The following CDH9 variants were observed in gnomAD, a reference collection of about 807,000 sequenced individuals.
The protein encoded by CDH9 is cadherin 9.
In CDH9, 28 loss-of-function variants were observed where a neutral mutation model predicts 70.9. The ratio of observed to expected loss-of-function variants is 0.40; its 90% CI spans 0.29 to 0.54. CDH9 has a LOEUF of 0.54. Ranked by LOEUF, CDH9 falls within the 20% of genes least tolerant of loss-of-function variation. CDH9 has a pLI of 0.59. For missense variants in CDH9, 874 were observed against 984.4 expected (o/e 0.89, Z 1.50); for synonymous variants, 409 against 343.1 (o/e 1.19, Z -2.12).
intron 1 of CDH9, among the ~76,000 whole-genome samples, chr5:27,018,671 A>G (rs1012171561): frequency 2.0e-5 from 3 of 152,004 alleles, no homozygotes; most frequent in Admixed American, 6.6e-5. Flanking sequence ...GGATAATATT[A>G]TCAGAGTAAA....
intron 2 of CDH9, among the ~76,000 whole-genome samples, chr5:26,951,349 C>G (rs903411571): frequency 1.5e-5 from 2 of 137,822 alleles, no homozygotes; most frequent in South Asian, 5.0e-4. Flanking sequence ...CTCCTCGTAA[C>G]CATGCTCAGA....
chr5:26,929,769 T>C (rs1161469053), intron 2 of CDH9, among the ~76,000 whole-genome samples: 1 of 152,082 alleles, frequency 6.6e-6, no homozygotes, highest in Non-Finnish European at 1.5e-5. Flanking sequence ...TATTCTCATT[T>C]ATTTGTTAGA....
intron 2 of CDH9, among the ~76,000 whole-genome samples, chr5:26,961,639 AAAAT>A (rs1742036340): frequency 6.6e-6 from 1 of 152,124 alleles, no homozygotes; most frequent in Non-Finnish European, 1.5e-5. Context: ...TTTTAATTTA[AAAAT>A]AAATAAACAA....
intron 2 of CDH9, among the ~76,000 whole-genome samples, chr5:26,940,385 C>A (rs367856901): frequency 5.9e-5 from 9 of 152,006 alleles, no homozygotes; most frequent in African/African-American, 2.2e-4. Context: ...TAAAAAGGAG[C>A]TATCTATTTA....
intron 1 of CDH9, among the ~76,000 whole-genome samples, chr5:27,002,315 G>T (rs922135524): frequency 4.6e-5 from 7 of 152,164 alleles, no homozygotes; most frequent in Admixed American, 1.3e-4. Context: ...CTTTTACACT[G>T]TTGGTGGGAC....
intron 2 of CDH9, among the ~76,000 whole-genome samples, chr5:26,931,567 G>C (rs1741462600): frequency 6.6e-6 from 1 of 152,068 alleles, no homozygotes; most frequent in South Asian, 2.1e-4. Context: ...CGTGAGTAAA[G>C]AGTACATCAT....
intron 2 of CDH9, among the ~76,000 whole-genome samples, chr5:26,947,209 CTAAGCT>C (rs1172750647): frequency 6.6e-6 from 1 of 152,098 alleles, no homozygotes; most frequent in Non-Finnish European, 1.5e-5. Context: ...TATACCACTC[CTAAGCT>C]TAAGGAAATG....
In CDH9 at chr5:27,009,224, C is replaced by T. The variant is rs114624773; in HGVS notation, c.-49-20842G>A. On this transcript the variant is annotated intron_variant, in intron 1 of 11. Coordinates refer to ENST00000231021, the MANE Select transcript of CDH9 (RefSeq NM_016279.4). ...CCAGTTTGTGTTTGGGTTGGAGGAT[C>T]GGGGATAGTGAGAGAATGAGGAGGA... Among the ~76,000 whole-genome samples the T allele has an allele frequency of 7.8e-3, 1,183 of 152,074 alleles. 27 individuals carry two copies. The highest frequency in any genetic ancestry group is 0.027 in the African/African-American group (1,121 of 41,504).
At chr5:27,018,226 T>C (rs1743079034) in intron 1 of CDH9, among the ~76,000 whole-genome samples, 2 of 151,874 alleles carry the variant, frequency 1.3e-5, no homozygotes, top group South Asian at 4.1e-4. Context: ...AAGCTCCTAT[T>C]TACATATGGG....
rs546515723 is a variant in CDH9, at chr5:26,882,899, C to G, written c.1883-1276G>C. Among the ~76,000 whole-genome samples the G allele has an allele frequency of 1.5e-4, 22 of 151,178 alleles. 1 individual carries two copies. In the South Asian group the frequency reaches 4.0e-3, roughly 27 times the overall value. On this transcript the variant is annotated intron_variant, in intron 11 of 11. Coordinates refer to ENST00000231021, the MANE Select transcript of CDH9 (RefSeq NM_016279.4). ...CCCTATAACTACACTAAAGCCCTGT[C>G]CAGTGTTATTTTCACATTGGCCAGC...
chr5:26,907,910 A>C (rs919316789), intron 3 of CDH9, among the ~76,000 whole-genome samples: 2 of 152,266 alleles, frequency 1.3e-5, no homozygotes, highest in African/African-American at 4.8e-5. Flanking sequence ...CATGCATTAC[A>C]CACTCAATAA....
chr5:26,960,287 C>T (rs962450146), intron 2 of CDH9, among the ~76,000 whole-genome samples: 4 of 151,894 alleles, frequency 2.6e-5, no homozygotes, highest in Admixed American at 1.3e-4. Context: ...ACTTCAATTC[C>T]ATAATCTAAA....
chr5:26,940,839 T>C (rs1162867524), intron 2 of CDH9, among the ~76,000 whole-genome samples: 1 of 152,204 alleles, frequency 6.6e-6, no homozygotes, highest in East Asian at 1.9e-4. Context: ...AATTTGTATT[T>C]AAAAAACCAA....
intron 2 of CDH9, among the ~76,000 whole-genome samples, chr5:26,949,298 T>C (rs148723571): frequency 6.6e-6 from 1 of 152,308 alleles, no homozygotes; most frequent in East Asian, 1.9e-4. Flanking sequence ...TAGGTGTTAG[T>C]AAGGTGGCCC....
intron 2 of CDH9, among the ~76,000 whole-genome samples, chr5:26,919,015 A>G (rs1741196209): frequency 6.6e-6 from 1 of 152,164 alleles, no homozygotes; most frequent in South Asian, 2.1e-4. Context: ...GAGGTGGAGG[A>G]AGGCAGCCAA....
intron 1 of CDH9, among the ~76,000 whole-genome samples, chr5:27,021,057 T>C (rs549221932): frequency 5.3e-5 from 8 of 151,882 alleles, no homozygotes; most frequent in African/African-American, 1.9e-4. Flanking sequence ...AAATGATTAT[T>C]TTATAGAGTT....
chr5:26,996,147 A>G (rs1247576705), intron 1 of CDH9, among the ~76,000 whole-genome samples: 1 of 151,988 alleles, frequency 6.6e-6, no homozygotes, highest in Non-Finnish European at 1.5e-5. Flanking sequence ...AGGTATTTTA[A>G]TTATTCTAAT....
chr5:26,881,533 G>A lies in CDH9; in HGVS notation c.1973C>T (p.Thr658Ile), dbSNP rs1740463893. The A allele has an allele frequency of 6.2e-7, 1 of 1,613,540 alleles. No individual in the cohort carries two copies. Among genetic ancestry groups the A allele is most frequent in the Non-Finnish European group, 8.5e-7 (1 of 1,179,788 alleles). ...SKDDVRDNIVTYNDEGGGEED... is the reference protein window; with the variant it reads ...SKDDVRDNIVIYNDEGGGEED... ...TTCCCCGCCGCCTTCATCGTTGTAGGTCACAATGTTGTCCCGGACATCGTC... is the reference window on the plus strand; with the variant it reads ...TTCCCCGCCGCCTTCATCGTTGTAGATCACAATGTTGTCCCGGACATCGTC... The change falls in exon 12 of 12, where the codon ACC becomes ATC. Residue 658 changes from threonine (T) to isoleucine (I), a missense_variant. Coordinates refer to ENST00000231021, the MANE Select transcript of CDH9 (RefSeq NM_016279.4).
chr5:27,015,034 G>A (rs983841974), intron 1 of CDH9, among the ~76,000 whole-genome samples: 3 of 151,782 alleles, frequency 2.0e-5, no homozygotes, highest in Admixed American at 6.6e-5. Context: ...TCACATAACC[G>A]TAAAAAACTT....
Sources: gnomAD v4.1 joint callset for allele counts (sites outside exome capture counted in the v4.1 genomes callset) on GRCh38, gnomAD v4.1.1 for gene constraint, MANE v1.5 for transcripts, NCBI Gene and HGNC (gene_info 2026-07-23, HGNC 2026-07-21) for gene names.